ARHGEF10L: variants seen among roughly 807,000 people sequenced by gnomAD.
ARHGEF10L encodes Rho guanine nucleotide exchange factor 10 like, also known as rho guanine nucleotide exchange factor 10-like protein.
Under a neutral mutation model 141.2 loss-of-function variants are expected in ARHGEF10L, and 69 were observed. The observed-to-expected ratio is 0.49, with a 90% CI of 0.40 to 0.60. The LOEUF (loss-of-function observed/expected upper bound fraction) is 0.60, where lower values mean the gene tolerates loss of function less well. Ranked by LOEUF, ARHGEF10L falls within the 20% of genes least tolerant of loss-of-function variation. The pLI, the probability that ARHGEF10L is intolerant of heterozygous loss-of-function variation, is 0.00. For missense variants in ARHGEF10L, 1,482 were observed against 1,734.3 expected, an observed-to-expected ratio of 0.85 and a Z score of 2.58; for synonymous variants, 711 against 718.5, an observed-to-expected ratio of 0.99 and a Z score of 0.17.
intron 21 of ARHGEF10L, among the ~76,000 whole-genome samples, chr1:17,645,739 G>A (rs1332122383): frequency 1.3e-5 from 2 of 152,230 alleles, no homozygotes; most frequent in Non-Finnish European, 2.9e-5. Flanking sequence ...CGCAGGCACC[G>A]TGCAAGGCGC....
chr1:17,624,455 C>T lies in ARHGEF10L; in HGVS notation c.1269C>T (p.Ile423=), dbSNP rs1490393518. The part of the protein sequence containing the change: ...YVNNFTSAMS[I]IKKACLTKPA... ...ACAACTTCACCAGTGCCATGTCCAT[C>T]ATCAAGAAGGCCTGCCTCACCAAGC... Residue 423 remains isoleucine (I), a synonymous_variant, in exon 13 of 29, where the codon ATC becomes ATT. Transcript: ENST00000361221. 6.2e-7 allele frequency: 1 copy of T among 1,614,242 alleles called. No homozygotes were observed. Among genetic ancestry groups the T allele is most frequent in the Admixed American group, 1.7e-5 (1 of 60,024 alleles).
At chr1:17,663,697 C>G (rs1227263179) in intron 25 of ARHGEF10L, among the ~76,000 whole-genome samples, 1 of 152,128 alleles carries the variant, frequency 6.6e-6, no homozygotes, top group Admixed American at 6.5e-5. Flanking sequence ...AAGATTCAGT[C>G]TAGATAAGCT....
At chr1:17,688,566 C>T (rs988800222) in intron 27 of ARHGEF10L, among the ~76,000 whole-genome samples, 2 of 152,226 alleles carry the variant, frequency 1.3e-5, no homozygotes, top group Admixed American at 6.5e-5. Flanking sequence ...TGTCCCAGTG[C>T]CCCAGGCAGG....
chr1:17,546,280 G>A (rs1463487923), intron 1 of ARHGEF10L, among the ~76,000 whole-genome samples: 2 of 152,192 alleles, frequency 1.3e-5, no homozygotes, highest in African/African-American at 4.8e-5. Context: ...ACTTAATTGG[G>A]AAGAGGGGTC....
chr1:17,569,040 C>T (rs1014895650), intron 1 of ARHGEF10L, among the ~76,000 whole-genome samples: 7 of 152,154 alleles, frequency 4.6e-5, no homozygotes, highest in African/African-American at 1.4e-4. Context: ...AGCTGAAAGA[C>T]CTTGGGTCTA....
intron 27 of ARHGEF10L, among the ~76,000 whole-genome samples, chr1:17,688,613 G>A (rs1054990806): frequency 1.3e-5 from 2 of 152,212 alleles, no homozygotes; most frequent in African/African-American, 2.4e-5. Flanking sequence ...AAGGGCCCTC[G>A]GGCCAGGGAA....
intron 5 of ARHGEF10L, 132 bp downstream of exon 5, chr1:17,602,350 C>T: frequency 9.7e-7 from 1 of 1,033,902 alleles, no homozygotes; most frequent in Non-Finnish European, 1.4e-6. Context: ...CTTCTGTGGC[C>T]CTGGAGGACC....
At chr1:17,606,860 G>A (rs1166000154) in intron 6 of ARHGEF10L, among the ~76,000 whole-genome samples, 1 of 152,164 alleles carries the variant, frequency 6.6e-6, no homozygotes, top group Non-Finnish European at 1.5e-5. Flanking sequence ...CCCACCTCAG[G>A]CTTCAAGTGG....
Position 17,587,497 on chromosome 1 carries a change from TGAGGCA to T in ARHGEF10L, c.80_85del (p.Ala27_Glu28del), listed in dbSNP as rs774435876. 10 of 1,614,132 alleles carry T rather than the reference TGAGGCA, an allele frequency of 6.2e-6. No homozygotes were observed. In the South Asian group the frequency reaches 9.9e-5, roughly 16 times the overall value. ...TTCCAGGAGTCCCAGGCCCCTCCTC[TGAGGCA>T]GAGGACGACCCAGGAGAGGCGTTTG... is the stretch of plus-strand genomic sequence containing the variant. On this transcript the variant is annotated inframe_deletion, in exon 3 of 29. Coordinates refer to ENST00000361221, the MANE Select transcript of ARHGEF10L (RefSeq NM_018125.4).
chr1:17,632,555 G>A (rs2060759780), intron 16 of ARHGEF10L, 89 bp downstream of exon 16: 3 of 1,548,450 alleles, frequency 1.9e-6, no homozygotes, highest in Admixed American at 3.4e-5. Context: ...CCGCACTACA[G>A]TGGGACCCCA....
chr1:17,594,018 G>T (rs952167525), intron 4 of ARHGEF10L, among the ~76,000 whole-genome samples: 2 of 150,398 alleles, frequency 1.3e-5, no homozygotes, highest in Non-Finnish European at 3.0e-5. Context: ...CCCTTCCCTT[G>T]CGTCTTCCTG....
chr1:17,612,815 G>C (rs1359234697), intron 7 of ARHGEF10L, among the ~76,000 whole-genome samples: 1 of 152,210 alleles, frequency 6.6e-6, no homozygotes, highest in African/African-American at 2.4e-5. Flanking sequence ...CAGATTCCCT[G>C]CTGCAGAGAC....
At chr1:17,624,359 T>A (rs1456605895) in intron 12 of ARHGEF10L, 28 bp from the exon 13 acceptor site, 1 of 1,577,696 alleles carries the variant, frequency 6.3e-7, no homozygotes, top group South Asian at 1.1e-5. Flanking sequence ...TGAGGCGGTC[T>A]CCCTGGCCCA....
At chr1:17,590,646 C>G (rs567547350) in intron 4 of ARHGEF10L, among the ~76,000 whole-genome samples, 1 of 152,086 alleles carries the variant, frequency 6.6e-6, no homozygotes, top group Non-Finnish European at 1.5e-5. Flanking sequence ...GAATGATGGA[C>G]AGAAGGACAA....
intron 2 of ARHGEF10L, among the ~76,000 whole-genome samples, chr1:17,583,106 G>C (rs547292162): frequency 1.3e-5 from 2 of 149,074 alleles, no homozygotes; most frequent in Non-Finnish European, 3.0e-5. Context: ...CTGGGAGTCT[G>C]AAGTAGGAGG....
At chr1:17,602,466 G>A (rs757167212) in intron 5 of ARHGEF10L, among the ~76,000 whole-genome samples, 1 of 152,206 alleles carries the variant, frequency 6.6e-6, no homozygotes, top group Non-Finnish European at 1.5e-5. Flanking sequence ...GGGCGGCCCA[G>A]TGGTGGGAGT....
the ARHGEF10L span, among the ~76,000 whole-genome samples, chr1:17,524,400 C>CAT: frequency 6.7e-6 from 1 of 150,188 alleles, no homozygotes. Context: ...CACACACACA[C>CAT]ACACACACAC....
chr1:17,645,792 T>C (rs941997743), intron 21 of ARHGEF10L, among the ~76,000 whole-genome samples: 2 of 152,170 alleles, frequency 1.3e-5, no homozygotes, highest in Admixed American at 6.5e-5. Context: ...TCCCCTGCTT[T>C]CCCCTTTCCT....
chr1:17,608,774 T>C (rs1324452797), intron 7 of ARHGEF10L, among the ~76,000 whole-genome samples: 9 of 152,082 alleles, frequency 5.9e-5, no homozygotes, highest in Admixed American at 5.9e-4. Flanking sequence ...CAGGCTACTT[T>C]TATGTTTATT....
Sources: allele counts gnomAD v4.1 joint callset (sites outside exome capture counted in the v4.1 genomes callset), GRCh38; gene constraint gnomAD v4.1.1; transcripts MANE v1.5; gene names NCBI Gene and HGNC (gene_info 2026-07-23, HGNC 2026-07-21).